Variants in ACSM3 observed in about 807,000 individuals in gnomAD.
ACSM3 encodes acyl-coenzyme A synthetase ACSM3, mitochondrial.
Under a neutral mutation model 74.1 loss-of-function variants are expected in ACSM3, and 61 were observed. The ratio of observed to expected loss-of-function variants is 0.82; its 90% CI spans 0.67 to 1.02. The LOEUF is 1.02. ACSM3 is among the 50% of genes least tolerant of loss of function. The pLI is 0.00. For missense variants in ACSM3, 660 were observed against 697.0 expected (o/e 0.95, Z 0.60); for synonymous variants, 213 against 241.5 (o/e 0.88, Z 1.09).
chr16:20,704,150 TGAA>T (rs1193736849), intron 1 of ACSM3, among the ~76,000 whole-genome samples: 1 of 152,200 alleles, frequency 6.6e-6, no homozygotes, highest in Non-Finnish European at 1.5e-5. Flanking sequence ...ATTACAAAGA[TGAA>T]GAAATTGAGA....
chr16:20,791,801 G>A (rs1440964072), intron 10 of ACSM3, among the ~76,000 whole-genome samples: 1 of 152,032 alleles, frequency 6.6e-6, no homozygotes, highest in Non-Finnish European at 1.5e-5. Flanking sequence ...GGTGGTGCAC[G>A]TCTATAGTCC....
chr16:20,796,544 GT>G, intron 13 of ACSM3, 55 bp downstream of exon 13: 1 of 1,593,868 alleles, frequency 6.3e-7, no homozygotes, highest in Non-Finnish European at 8.5e-7. Flanking sequence ...AATTTCAAGT[GT>G]TTATTTTTAC....
intron 1 of ACSM3, chr16:20,737,117 T>C (rs374720508): frequency 4.2e-5 from 67 of 1,614,120 alleles, no homozygotes; most frequent in Non-Finnish European, 5.7e-5. Flanking sequence ...AGTTAAGCTG[T>C]GACGGATCCT....
intron 1 of ACSM3, among the ~76,000 whole-genome samples, chr16:20,685,915 G>A: frequency 6.7e-6 from 1 of 150,152 alleles, no homozygotes; most frequent in African/African-American, 2.4e-5. Flanking sequence ...TAGCCACCCT[G>A]CCTCAAGCCA....
intron 3 of ACSM3, among the ~76,000 whole-genome samples, chr16:20,758,572 A>T (rs2080050367): frequency 6.6e-6 from 1 of 152,010 alleles, no homozygotes. Context: ...TGATCCTTTC[A>T]AAAAACCAGC....
chr16:20,790,527 T>C lies in ACSM3; in HGVS notation c.1225-60T>C. ...GCCAAAATAAAACTTGCAAAGTTAA[T>C]ATTTAAGCTGCGACATTAAACAAAA... On this transcript the variant is annotated intron_variant, in intron 9 of 13. Transcript: ENST00000289416. The surrounding 1 kb of genome is among the most constrained non-coding windows in gnomAD (Gnocchi z 4.0). 2.0e-6 allele frequency: 3 copies of C among 1,486,254 alleles called. No individual in the cohort carries two copies. The highest frequency in any genetic ancestry group is 2.8e-6 in the Non-Finnish European group (3 of 1,078,654). 92.1% of individuals were successfully genotyped at this position (1,486,254 alleles called of 1,614,324 possible).
intron 1 of ACSM3, chr16:20,690,979 T>C (rs965079887): frequency 6.2e-7 from 1 of 1,601,102 alleles, no homozygotes; most frequent in Non-Finnish European, 8.5e-7. Context: ...TATATCGCCA[T>C]CACGGCAGAT....
At chr16:20,776,843 C>T (rs1320782274) in intron 3 of ACSM3, among the ~76,000 whole-genome samples, 1 of 152,168 alleles carries the variant, frequency 6.6e-6, no homozygotes, top group Admixed American at 6.5e-5. Context: ...ATGAATGCCT[C>T]CACACTTCCT....
intron 2 of ACSM3, among the ~76,000 whole-genome samples, chr16:20,755,127 A>T (rs2080019094): frequency 6.6e-6 from 1 of 152,188 alleles, no homozygotes; most frequent in South Asian, 2.1e-4. Flanking sequence ...AAGAACCTAG[A>T]TGTCTATATT....
At chr16:20,735,459 G>C (rs1412563480) in intron 1 of ACSM3, 2 of 150,058 alleles carry the variant, frequency 1.3e-5, no homozygotes, top group African/African-American at 2.5e-5. Flanking sequence ...GAACTTCACT[G>C]TATCTTCAAG....
chr16:20,789,684 CTTTTTTT>C (rs561663756), intron 9 of ACSM3: 20 of 446,574 alleles, frequency 4.5e-5, no homozygotes, highest in Middle Eastern at 6.5e-4. Flanking sequence ...CTCTATTTTT[CTTTTTTT>C]TTTTTTTTTT....
At chr16:20,787,578 A>AC (rs1175278315) in intron 9 of ACSM3, among the ~76,000 whole-genome samples, 1 of 152,148 alleles carries the variant, frequency 6.6e-6, no homozygotes, top group Non-Finnish European at 1.5e-5. Context: ...TTTAACAAGC[A>AC]CCCCCCAAGT....
At chr16:20,736,463 G>T in intron 1 of ACSM3, 1 of 159,364 alleles carries the variant, frequency 6.3e-6, no homozygotes. Flanking sequence ...TAACCTACAT[G>T]ATCCACATTT....
At chr16:20,796,630 C>A in intron 13 of ACSM3, 141 bp downstream of exon 13, 1 of 1,505,424 alleles carries the variant, frequency 6.6e-7, no homozygotes, top group Non-Finnish European at 8.8e-7. Flanking sequence ...GGGTAAGAAT[C>A]AGAATCTTTG....
intron 1 of ACSM3, among the ~76,000 whole-genome samples, chr16:20,708,055 CT>C (rs2079732928): frequency 6.6e-6 from 1 of 152,180 alleles, no homozygotes; most frequent in Non-Finnish European, 1.5e-5. Context: ...AATCCCAGCA[CT>C]TTGGGAGGCC....
At chr16:20,778,770 A>G (rs953335441) in intron 4 of ACSM3, among the ~76,000 whole-genome samples, 10 of 148,842 alleles carry the variant, frequency 6.7e-5, no homozygotes, top group African/African-American at 2.4e-4. Context: ...TTTTTTTTTT[A>G]GACGGAGTCT....
chr16:20,776,926 C>G (rs1407288900), intron 3 of ACSM3, among the ~76,000 whole-genome samples: 9 of 152,226 alleles, frequency 5.9e-5, no homozygotes, highest in Admixed American at 3.9e-4. Context: ...GTGTACAGTT[C>G]TGGAGTCAGG....
intron 1 of ACSM3, among the ~76,000 whole-genome samples, chr16:20,715,415 C>T (rs1336966213): frequency 1.3e-5 from 2 of 152,072 alleles, no homozygotes; most frequent in Non-Finnish European, 2.9e-5. Context: ...ACCAGCCTGG[C>T]CGACATGGTG....
Position 20,770,201 on chromosome 16 carries a change from A to G in ACSM3, c.167A>G (p.Glu56Gly), listed in dbSNP as rs780606890. The change falls in exon 2 of 14, where the codon GAG becomes GGG. Residue 56 changes from glutamate (E) to glycine (G), a missense_variant. Transcript: ENST00000289416. ...CAGGACTTCAAACTGGGGATTCCAG[A>G]GTATTTCAACTTTGCTAAAGATGTC... ...MKQDFKLGIP[E>G]YFNFAKDVLD... The G allele has an allele frequency of 1.2e-6, 2 of 1,614,224 alleles. No homozygotes were observed. The highest frequency in any genetic ancestry group is 8.5e-7 in the Non-Finnish European group (1 of 1,180,026).
Sources: gnomAD v4.1 joint callset for allele counts (sites outside exome capture counted in the v4.1 genomes callset) on GRCh38, gnomAD v4.1.1 for gene constraint, Gnocchi (gnomAD v3.1) non-coding constraint, MANE v1.5 for transcripts, NCBI Gene and HGNC (gene_info 2026-07-23, HGNC 2026-07-21) for gene names.